The following LRRC69 variants were observed in gnomAD, a reference collection of about 807,000 sequenced individuals.
The protein encoded by LRRC69 is leucine-rich repeat-containing protein 69.
LRRC69 carries 42 observed loss-of-function variants against 37.8 expected under a neutral mutation model. The ratio of observed to expected loss-of-function variants is 1.11; its 90% CI spans 0.87 to 1.44. The LOEUF is 1.44. Among genes scored for constraint, LRRC69 ranks in the 40% most tolerant of loss-of-function variants. The pLI is 0.00. For missense variants in LRRC69, 357 were observed against 401.9 expected (o/e 0.89, Z 0.96); for synonymous variants, 141 against 143.1 (o/e 0.99, Z 0.11).
At chr8:91,165,116 G>A (rs886871015) in intron 5 of LRRC69, among the ~76,000 whole-genome samples, 1 of 151,654 alleles carries the variant, frequency 6.6e-6, no homozygotes, top group Non-Finnish European at 1.5e-5. Flanking sequence ...GGCAACATCT[G>A]TAGTTCCCCC....
At chr8:91,189,127 T>G (rs1315618196) in intron 5 of LRRC69, among the ~76,000 whole-genome samples, 1 of 152,202 alleles carries the variant, frequency 6.6e-6, no homozygotes, top group East Asian at 1.9e-4. Context: ...TAGAGGTTGG[T>G]GTATGTTAGG....
intron 3 of LRRC69, among the ~76,000 whole-genome samples, chr8:91,131,453 G>T (rs1813808117): frequency 6.6e-6 from 1 of 151,766 alleles, no homozygotes. Context: ...ATATTAAAAA[G>T]TTGATATCTT....
intron 5 of LRRC69, among the ~76,000 whole-genome samples, chr8:91,152,682 G>T (rs1284887964): frequency 1.3e-5 from 2 of 151,404 alleles, no homozygotes; most frequent in South Asian, 2.1e-4. Flanking sequence ...ATGGTAATTT[G>T]ATGGGTATAG....
chr8:91,177,915 C>A (rs1809261785), intron 5 of LRRC69, among the ~76,000 whole-genome samples: 1 of 141,262 alleles, frequency 7.1e-6, no homozygotes, highest in East Asian at 2.1e-4. Flanking sequence ...GTGGCATGAT[C>A]TCGGCTCACG....
intron 1 of LRRC69, among the ~76,000 whole-genome samples, chr8:91,120,892 C>T (rs778760392): frequency 6.6e-6 from 1 of 151,990 alleles, no homozygotes; most frequent in South Asian, 2.1e-4. Context: ...TCCGGAGAAC[C>T]CTAGAATTAC....
intron 5 of LRRC69, chr8:91,158,165 T>C (rs1348154151): frequency 3.7e-6 from 6 of 1,604,040 alleles, no homozygotes; most frequent in Non-Finnish European, 4.3e-6. Context: ...CCCAGAAAGA[T>C]CTGGAGCTGG....
chr8:91,152,531 C>A (rs905971603), intron 5 of LRRC69, among the ~76,000 whole-genome samples: 1 of 151,518 alleles, frequency 6.6e-6, no homozygotes, highest in Non-Finnish European at 1.5e-5. Context: ...GTTACTGTAG[C>A]CTTGTAGTAT....
rs114244375 is a variant in LRRC69, at chr8:91,206,273, C to T, written c.933+5481C>T. On this transcript the variant is annotated intron_variant, in intron 7 of 7. Coordinates refer to ENST00000448384, the Ensembl canonical transcript of LRRC69. Reference sequence around the variant, plus strand: ...AGGCTAATGTTAAAATTTTTAAAAGCCCAGAATCTAGAACTAAACAGATAG... The same window carrying T: ...AGGCTAATGTTAAAATTTTTAAAAGTCCAGAATCTAGAACTAAACAGATAG... Among the ~76,000 whole-genome samples the T allele has an allele frequency of 4.7e-3, 708 of 152,156 alleles. 5 individuals carry two copies. Among genetic ancestry groups the T allele is most frequent in the African/African-American group, 0.016 (678 of 41,522 alleles).
At chr8:91,113,972 CA>C (rs34806474) in intron 1 of LRRC69, among the ~76,000 whole-genome samples, 6,965 of 60,060 alleles carry the variant, frequency 0.12, 117 homozygotes, top group Middle Eastern at 0.27. Flanking sequence ...AGACTTGTCT[CA>C]AAAAAAAAAA....
At chr8:91,158,137 C>T (rs954471221) in intron 5 of LRRC69, 77 of 1,598,602 alleles carry the variant, frequency 4.8e-5, no homozygotes, top group Non-Finnish European at 6.2e-5. Context: ...GTGAAACTCT[C>T]ACTTACCTAT....
At chr8:91,105,554 G>A (rs1286362823) in intron 1 of LRRC69, among the ~76,000 whole-genome samples, 3 of 151,306 alleles carry the variant, frequency 2.0e-5, no homozygotes, top group East Asian at 1.9e-4. Flanking sequence ...ACAGTGGCAC[G>A]TGCCTCTGGT....
At chr8:91,160,491 G>C (rs1387568581) in intron 5 of LRRC69, among the ~76,000 whole-genome samples, 1 of 151,090 alleles carries the variant, frequency 6.6e-6, no homozygotes, top group Non-Finnish European at 1.5e-5. Context: ...AATGTTGGGG[G>C]AGGGACCTGG....
At chr8:91,150,578 A>G (rs1362608719) in intron 5 of LRRC69, among the ~76,000 whole-genome samples, 9 of 152,018 alleles carry the variant, frequency 5.9e-5, no homozygotes, top group Non-Finnish European at 4.4e-5. Context: ...AGGCTTTGGT[A>G]TCAGGATAAT....
intron 5 of LRRC69, among the ~76,000 whole-genome samples, chr8:91,151,910 T>C (rs1261449548): frequency 6.6e-6 from 1 of 151,858 alleles, no homozygotes; most frequent in Non-Finnish European, 1.5e-5. Context: ...GTTGAGCTTT[T>C]TTTTTCATAT....
intron 6 of LRRC69, among the ~76,000 whole-genome samples, chr8:91,199,294 C>G (rs1342987974): frequency 6.6e-6 from 1 of 152,208 alleles, no homozygotes. Context: ...AGTGTGAAAG[C>G]ATGACCTCAG....
At chr8:91,126,703 A>G (rs376565210) in intron 2 of LRRC69, among the ~76,000 whole-genome samples, 35 of 152,170 alleles carry the variant, frequency 2.3e-4, no homozygotes, top group East Asian at 1.7e-3. Flanking sequence ...TGTTCAAAAG[A>G]GAGAATGGAG....
At chr8:91,117,241 TCA>T (rs918619906) in intron 1 of LRRC69, among the ~76,000 whole-genome samples, 2 of 152,022 alleles carry the variant, frequency 1.3e-5, no homozygotes, top group African/African-American at 4.8e-5. Context: ...GGAATTTAAG[TCA>T]CAATACATCC....
chr8:91,192,669 C>G (rs1281236640), intron 6 of LRRC69, among the ~76,000 whole-genome samples: 1 of 152,106 alleles, frequency 6.6e-6, no homozygotes, highest in East Asian at 1.9e-4. Context: ...TATTCATGTC[C>G]TTTGCCGAAT....
intron 5 of LRRC69, among the ~76,000 whole-genome samples, chr8:91,143,991 T>C (rs1370604286): frequency 6.6e-6 from 1 of 152,044 alleles, no homozygotes; most frequent in African/African-American, 2.4e-5. Context: ...AACACTTGTA[T>C]ACATCACATT....
Sources: allele counts gnomAD v4.1 joint callset (sites outside exome capture counted in the v4.1 genomes callset), GRCh38; gene constraint gnomAD v4.1.1; transcripts MANE v1.5; gene names NCBI Gene and HGNC (gene_info 2026-07-23, HGNC 2026-07-21).